Variants in PLCXD3 observed in about 807,000 individuals in gnomAD.
PLCXD3 encodes PI-PLC X domain-containing protein 3.
In PLCXD3, 19 loss-of-function variants were observed where a neutral mutation model predicts 25.5. That is an observed-to-expected ratio of 0.75 (90% CI 0.52 to 1.09). PLCXD3 has a LOEUF of 1.09. PLCXD3 is among the 50% of genes least tolerant of loss of function. The pLI, the probability that PLCXD3 is intolerant of heterozygous loss-of-function variation, is 0.00. For missense variants in PLCXD3, 411 were observed against 388.1 expected (o/e 1.06, Z -0.50); for synonymous variants, 174 against 137.6 (o/e 1.26, Z -1.85).
At chr5:41,432,106 G>A (rs1747124942) in intron 1 of PLCXD3, among the ~76,000 whole-genome samples, 1 of 152,104 alleles carries the variant, frequency 6.6e-6, no homozygotes, top group Non-Finnish European at 1.5e-5. Context: ...CCACGACAAG[G>A]GACCCAGCTT....
chr5:41,488,964 T>G (rs1377231306), intron 1 of PLCXD3, among the ~76,000 whole-genome samples: 2 of 152,092 alleles, frequency 1.3e-5, no homozygotes, highest in Non-Finnish European at 2.9e-5. Flanking sequence ...TTGTCTTTTG[T>G]TGCCATTGCT....
chr5:41,507,049 C>G lies in PLCXD3; in HGVS notation c.103+3375G>C, dbSNP rs80129576. On this transcript the variant is annotated intron_variant, in intron 1 of 2. Transcript: ENST00000377801. ...CTTTTAGATTTTGGACAGAATGACT[C>G]TCTGTCACACATGCAGATTACCAGC... 6.9e-4 allele frequency among the ~76,000 whole-genome samples: 105 copies of G among 152,306 alleles called. No homozygotes were observed. The East Asian group carries it at 0.016, about 23-fold the overall frequency.
At chr5:41,502,769 G>C (rs1046421967) in intron 1 of PLCXD3, among the ~76,000 whole-genome samples, 2 of 152,084 alleles carry the variant, frequency 1.3e-5, no homozygotes, top group Non-Finnish European at 2.9e-5. Context: ...TAACTGAATT[G>C]GGGTTTTCCA....
At position 41,466,700 on chromosome 5, in the gene PLCXD3, C is replaced by A. The variant is rs147898990; in HGVS notation, c.103+43724G>T. On this transcript the variant is annotated intron_variant, in intron 1 of 2. Coordinates refer to ENST00000377801, the MANE Select transcript of PLCXD3 (RefSeq NM_001005473.3). ...CAACAACTCCCATTCCCTCACTCCT[C>A]CCCACCAACTCCCTGCCTCCCTCAG... 1.4e-4 allele frequency among the ~76,000 whole-genome samples: 21 copies of A among 152,124 alleles called. No individual in the cohort carries two copies. In the East Asian group the frequency reaches 4.1e-3, roughly 29 times the overall value.
At chr5:41,486,195 C>T (rs149102338) in intron 1 of PLCXD3, among the ~76,000 whole-genome samples, 6 of 152,090 alleles carry the variant, frequency 3.9e-5, no homozygotes, top group East Asian at 1.9e-4. Context: ...CAATGAAGTC[C>T]AATCTGGGTG....
At chr5:41,368,312 G>C (rs1185972674) in intron 2 of PLCXD3, among the ~76,000 whole-genome samples, 1 of 152,048 alleles carries the variant, frequency 6.6e-6, no homozygotes, top group African/African-American at 2.4e-5. Flanking sequence ...ATTTGGCATA[G>C]AGCCAAATTC....
chr5:41,337,593 A>C (rs1006155934), intron 2 of PLCXD3, among the ~76,000 whole-genome samples: 1 of 152,162 alleles, frequency 6.6e-6, no homozygotes, highest in African/African-American at 2.4e-5. Context: ...GAAGGAATGA[A>C]TATAAGTGGA....
At chr5:41,431,985 G>A (rs942048596) in intron 1 of PLCXD3, among the ~76,000 whole-genome samples, 2 of 152,142 alleles carry the variant, frequency 1.3e-5, no homozygotes, top group African/African-American at 2.4e-5. Context: ...AGAGGACCAC[G>A]CAGGAGAAGC....
chr5:41,467,133 C>G (rs1016115970), intron 1 of PLCXD3, among the ~76,000 whole-genome samples: 4 of 152,118 alleles, frequency 2.6e-5, no homozygotes, highest in Non-Finnish European at 5.9e-5. Flanking sequence ...AACCTCCATA[C>G]AATTTTCCAT....
intron 1 of PLCXD3, among the ~76,000 whole-genome samples, chr5:41,409,651 A>C (rs1247490092): frequency 1.3e-5 from 2 of 152,190 alleles, no homozygotes; most frequent in East Asian, 3.9e-4. Context: ...CCCCACTAGC[A>C]TTTAAATTCC....
At chr5:41,458,580 G>T (rs1561279404) in intron 1 of PLCXD3, among the ~76,000 whole-genome samples, 5 of 151,940 alleles carry the variant, frequency 3.3e-5, no homozygotes, top group Non-Finnish European at 7.4e-5. Context: ...TAAGTGTTGG[G>T]ACCAAGTGGT....
intron 2 of PLCXD3, among the ~76,000 whole-genome samples, chr5:41,362,776 T>C (rs1333238285): frequency 6.6e-6 from 1 of 152,188 alleles, no homozygotes; most frequent in Non-Finnish European, 1.5e-5. Flanking sequence ...CCATGTAGTT[T>C]ATTATAGTGC....
chr5:41,456,464 ATATT>A (rs1369883801), intron 1 of PLCXD3: 3 of 689,342 alleles, frequency 4.4e-6, no homozygotes, highest in African/African-American at 2.0e-5. Context: ...GGATAGAAAA[ATATT>A]TATAAGGATA....
intron 1 of PLCXD3, among the ~76,000 whole-genome samples, chr5:41,429,974 C>A (rs551587174): frequency 3.3e-5 from 5 of 152,212 alleles, no homozygotes; most frequent in African/African-American, 9.6e-5. Flanking sequence ...TATAGCAGAG[C>A]AAAGCAAATG....
At chr5:41,375,275 C>A (rs1403942204) in intron 2 of PLCXD3, among the ~76,000 whole-genome samples, 1 of 152,120 alleles carries the variant, frequency 6.6e-6, no homozygotes, top group African/African-American at 2.4e-5. Flanking sequence ...GGCCCCAGGG[C>A]ACCATGCAGT....
chr5:41,450,998 G>C (rs1747617345), intron 1 of PLCXD3, among the ~76,000 whole-genome samples: 1 of 152,098 alleles, frequency 6.6e-6, no homozygotes, highest in Non-Finnish European at 1.5e-5. Flanking sequence ...GAAGACACTG[G>C]AGTGTCATGC....
At chr5:41,469,161 AATGTGGT>A in intron 1 of PLCXD3, among the ~76,000 whole-genome samples, 1 of 152,326 alleles carries the variant, frequency 6.6e-6, no homozygotes, top group African/African-American at 2.4e-5. Context: ...TAACTTTGTT[AATGTGGT>A]ATATCACATT....
intron 1 of PLCXD3, among the ~76,000 whole-genome samples, chr5:41,394,080 CAAT>C (rs1229260946): frequency 1.6e-4 from 24 of 152,078 alleles, no homozygotes; most frequent in East Asian, 5.8e-4. Context: ...ATAACTACAA[CAAT>C]GTTTCAAGAC....
intron 1 of PLCXD3, among the ~76,000 whole-genome samples, chr5:41,426,518 T>C (rs1393281653): frequency 6.6e-6 from 1 of 152,030 alleles, no homozygotes. Flanking sequence ...GTCTTTATCC[T>C]TCATATGTTA....
Sources: allele counts gnomAD v4.1 joint callset (sites outside exome capture counted in the v4.1 genomes callset), GRCh38; gene constraint gnomAD v4.1.1; transcripts MANE v1.5; gene names NCBI Gene and HGNC (gene_info 2026-07-23, HGNC 2026-07-21).